Variants in PRDM10 observed in about 807,000 individuals in gnomAD.
The protein encoded by PRDM10 is PR/SET domain 10.
In PRDM10, 65 loss-of-function variants were observed where a neutral mutation model predicts 133.1. That is an observed-to-expected ratio of 0.49 (90% CI 0.40 to 0.60). The LOEUF (loss-of-function observed/expected upper bound fraction) is 0.60. PRDM10 is among the 20% of genes least tolerant of loss of function. The pLI is 0.00. For missense variants in PRDM10, 1,137 were observed against 1,507.1 expected, an observed-to-expected ratio of 0.75 and a Z score of 4.07; for synonymous variants, 582 against 580.4, an observed-to-expected ratio of 1.00 and a Z score of -0.04.
At chr11:129,954,398 G>T (rs1345380992) in intron 4 of PRDM10, among the ~76,000 whole-genome samples, 2 of 151,682 alleles carry the variant, frequency 1.3e-5, no homozygotes, top group Non-Finnish European at 2.9e-5. Flanking sequence ...AAGTAACTGG[G>T]ATTACAGGCA....
chr11:129,956,896 A>C (rs1405765161), intron 3 of PRDM10, among the ~76,000 whole-genome samples: 2 of 152,250 alleles, frequency 1.3e-5, no homozygotes, highest in Non-Finnish European at 2.9e-5. Context: ...AAAGTACTTT[A>C]TACATTGTAA....
At chr11:129,972,295 C>T (rs1346811992) in intron 1 of PRDM10, among the ~76,000 whole-genome samples, 1 of 152,258 alleles carries the variant, frequency 6.6e-6, no homozygotes, top group Non-Finnish European at 1.5e-5. Context: ...CTGAAGGGCT[C>T]CTCAAGTGCC....
intron 13 of PRDM10, among the ~76,000 whole-genome samples, chr11:129,921,496 A>G (rs1344347667): frequency 1.3e-5 from 2 of 152,232 alleles, no homozygotes; most frequent in Admixed American, 6.5e-5. Context: ...ATCCTGTAGC[A>G]TCTTAGAAGT....
At chr11:129,974,506 G>C (rs1937648592) in intron 1 of PRDM10, among the ~76,000 whole-genome samples, 1 of 152,120 alleles carries the variant, frequency 6.6e-6, no homozygotes, top group South Asian at 2.1e-4. Context: ...AGAAGGTGAG[G>C]GGGAGGGAGA....
chr11:129,961,373 A>G (rs1391441484), intron 1 of PRDM10, among the ~76,000 whole-genome samples: 1 of 151,864 alleles, frequency 6.6e-6, no homozygotes, highest in African/African-American at 2.4e-5. Flanking sequence ...GGCACAATCT[A>G]GGCTCACTGC....
In PRDM10 at chr11:129,964,162, G is replaced by A. The variant is rs1951858402; in HGVS notation, c.-118-3080C>T. Reference sequence around the variant, plus strand: ...TTTCCTTCAGCTTGGCTCACTGATGGCACAAATGCGCAGGCGTGTACTATG... The same window carrying A: ...TTTCCTTCAGCTTGGCTCACTGATGACACAAATGCGCAGGCGTGTACTATG... On this transcript the variant is annotated intron_variant, in intron 1 of 20. Transcript: ENST00000360871. Among the ~76,000 whole-genome samples the A allele has an allele frequency of 2.6e-5, 4 of 152,292 alleles. No homozygotes were observed. In the South Asian group the frequency reaches 8.3e-4, roughly 32 times the overall value.
intron 10 of PRDM10, among the ~76,000 whole-genome samples, chr11:129,931,724 A>ACG (rs1245910275): frequency 5.9e-5 from 9 of 151,736 alleles, no homozygotes; most frequent in East Asian, 2.0e-4. Context: ...CCGCCACTGC[A>ACG]CCCAGCTAAT....
intron 1 of PRDM10, among the ~76,000 whole-genome samples, chr11:129,967,815 G>A (rs923712815): frequency 3.3e-5 from 5 of 152,130 alleles, no homozygotes; most frequent in African/African-American, 1.2e-4. Context: ...ATAAGGCTGG[G>A]CAGGCGCCAG....
chr11:129,955,107 C>T (rs1260072388), intron 4 of PRDM10, among the ~76,000 whole-genome samples: 2 of 151,928 alleles, frequency 1.3e-5, no homozygotes, highest in Non-Finnish European at 2.9e-5. Flanking sequence ...TAGAAGCTGG[C>T]ATGAGGAAAA....
In PRDM10 at chr11:129,945,435, G is replaced by T. The variant is rs1951374263; in HGVS notation, c.521-423C>A. On this transcript the variant is annotated intron_variant, in intron 5 of 20. Transcript: ENST00000360871. The surrounding 1 kb of genome is among the most constrained non-coding windows in gnomAD (Gnocchi z 4.2). ...AATAAAACTATTCCGGGGCCGGGGA[G>T]GAACCCTGACAATACTATTGAATCA... is the stretch of plus-strand genomic sequence containing the variant. 6.6e-6 allele frequency among the ~76,000 whole-genome samples: 1 copy of T among 152,150 alleles called. No homozygotes were observed. The highest frequency in any genetic ancestry group is 1.5e-5 in the Non-Finnish European group (1 of 68,036).
intron 2 of PRDM10, among the ~76,000 whole-genome samples, chr11:129,958,521 G>A (rs1377077422): frequency 2.0e-5 from 3 of 152,120 alleles, no homozygotes; most frequent in East Asian, 3.8e-4. Context: ...GGGGGCGCCT[G>A]TAATCCCAGC....
chr11:129,917,208 G>A lies in PRDM10; in HGVS notation c.2244C>T (p.Asp748=). 1 of 1,613,362 alleles carries A rather than the reference G, an allele frequency of 6.2e-7. No homozygotes were observed. The highest frequency in any genetic ancestry group is 8.5e-7 in the Non-Finnish European group (1 of 1,179,374). The part of the protein sequence containing the change: ...LVNHLSKRHP[D]MKIEEVPELT... Reference sequence around the variant, plus strand: ...ACTCTGGCACCTCTTCTATCTTCATGTCTGGGTGTCTCTTCGATAAGTGAT... The same window carrying A: ...ACTCTGGCACCTCTTCTATCTTCATATCTGGGTGTCTCTTCGATAAGTGAT... The change falls in exon 15 of 21, where the codon GAC becomes GAT. Residue 748 remains aspartate, a synonymous_variant. Transcript: ENST00000360871.
chr11:129,928,388 G>A lies in PRDM10; in HGVS notation c.1530+2628C>T, dbSNP rs1355175411. ...TCAAACAATCATGTTTGTTGATTTG[G>A]GGTTTTGGGGGGGTTTTTTGAGACA... is the stretch of plus-strand genomic sequence containing the variant. On this transcript the variant is annotated intron_variant, in intron 11 of 20. Coordinates refer to ENST00000360871, the MANE Select transcript of PRDM10 (RefSeq NM_199437.2). Among the ~76,000 whole-genome samples the A allele has an allele frequency of 1.3e-4, 19 of 151,816 alleles. 1 individual carries two copies. The highest frequency in any genetic ancestry group is 1.8e-4 in the Non-Finnish European group (12 of 67,966).
chr11:129,936,418 C>A (rs1345182834), intron 8 of PRDM10, among the ~76,000 whole-genome samples: 1 of 152,078 alleles, frequency 6.6e-6, no homozygotes, highest in African/African-American at 2.4e-5. Flanking sequence ...CTTTGGGAGG[C>A]CGAGGCAGGC....
At chr11:129,995,976 A>G (rs1463573273) in intron 1 of PRDM10, among the ~76,000 whole-genome samples, 1 of 152,044 alleles carries the variant, frequency 6.6e-6, no homozygotes, top group African/African-American at 2.4e-5. Context: ...GAAAAAGAAA[A>G]AAAAAGGGAG....
At chr11:129,905,981 C>T (rs779263431) in intron 19 of PRDM10, among the ~76,000 whole-genome samples, 1 of 152,204 alleles carries the variant, frequency 6.6e-6, no homozygotes, top group African/African-American at 2.4e-5. Flanking sequence ...TTCTCAATAT[C>T]CACAAAGACA....
intron 1 of PRDM10, among the ~76,000 whole-genome samples, chr11:129,989,365 G>C (rs1938606990): frequency 1.3e-5 from 2 of 152,158 alleles, no homozygotes; most frequent in African/African-American, 2.4e-5. Flanking sequence ...AATGAATTTA[G>C]AAAGCTTCAA....
intron 11 of PRDM10, among the ~76,000 whole-genome samples, chr11:129,925,900 A>C (rs1950665278): frequency 1.3e-5 from 2 of 152,186 alleles, no homozygotes; most frequent in Non-Finnish European, 2.9e-5. Flanking sequence ...TCTAAAAACC[A>C]CTTTAAAGGG....
At chr11:130,000,552 A>G (rs1939294891) in intron 1 of PRDM10, among the ~76,000 whole-genome samples, 1 of 152,206 alleles carries the variant, frequency 6.6e-6, no homozygotes, top group Non-Finnish European at 1.5e-5. Context: ...ACTCAATTAC[A>G]TTGACATACA....
Sources: gnomAD v4.1 joint callset for allele counts (sites outside exome capture counted in the v4.1 genomes callset) on GRCh38, gnomAD v4.1.1 for gene constraint, Gnocchi (gnomAD v3.1) non-coding constraint, MANE v1.5 for transcripts, NCBI Gene and HGNC (gene_info 2026-07-23, HGNC 2026-07-21) for gene names.